Variants in ASAH1 observed in about 807,000 individuals in gnomAD.
The protein encoded by ASAH1 is N-acylsphingosine amidohydrolase 1, also known as acid ceramidase.
ASAH1 carries 70 observed loss-of-function variants against 59.5 expected under a neutral mutation model. The ratio of observed to expected loss-of-function variants is 1.18; its 90% CI spans 0.97 to 1.43. The LOEUF (loss-of-function observed/expected upper bound fraction) is 1.43, where lower values mean the gene tolerates loss of function less well. Ranked by LOEUF, ASAH1 falls within the 40% of genes most tolerant of loss-of-function variation. The pLI, the probability that ASAH1 is intolerant of heterozygous loss-of-function variation, is 0.00. For synonymous variants in ASAH1, 213 were observed against 166.5 expected (o/e 1.28, Z -2.15); for missense variants, 660 against 482.5 (o/e 1.37, Z -3.45).
At chr8:18,082,170 G>A (rs1053180020) in intron 1 of ASAH1, among the ~76,000 whole-genome samples, 1 of 152,156 alleles carries the variant, frequency 6.6e-6, no homozygotes, top group Non-Finnish European at 1.5e-5. Context: ...GACACCAGTG[G>A]CCAGACTAGA....
chr8:18,083,218 G>A (rs1800734070), intron 1 of ASAH1: 1 of 152,266 alleles, frequency 6.6e-6, no homozygotes, highest in Non-Finnish European at 1.5e-5. Context: ...CAGTCTGATT[G>A]CTTTATAAAG....
intron 7 of ASAH1, chr8:18,062,626 A>G (rs754996239): frequency 2.0e-4 from 118 of 595,848 alleles, no homozygotes; most frequent in Non-Finnish European, 2.9e-4. Context: ...AACTCTCTCA[A>G]TATCACACAG....
intron 10 of ASAH1, chr8:18,061,103 T>C (rs748983420): frequency 2.7e-5 from 9 of 337,144 alleles, no homozygotes; most frequent in Non-Finnish European, 5.0e-5. Context: ...CTTTTGTGTG[T>C]GGGTCATTTT....
At chr8:18,084,495 A>G, upstream of ASAH1, 8 of 1,327,778 alleles carry the variant, frequency 6.0e-6, no homozygotes, top group African/African-American at 1.5e-5. Context: ...AACGGATCCA[A>G]AGAGTCTCAA....
chr8:18,058,514 T>A (rs1799560513), intron 13 of ASAH1: 1 of 265,244 alleles, frequency 3.8e-6, no homozygotes, highest in African/African-American at 2.2e-5. Context: ...CTGCAGACTT[T>A]GTTTTGTTGA....
chr8:18,084,029 G>T lies in ASAH1; in HGVS notation c.30C>A (p.Val10=), dbSNP rs1192184000. The T allele has an allele frequency of 1.9e-6, 3 of 1,598,612 alleles. No individual in the cohort carries two copies. Among genetic ancestry groups the T allele is most frequent in the South Asian group, 1.1e-5 (1 of 91,080 alleles). The change falls in exon 1 of 14, where the codon GTC becomes GTA. Residue 10 remains valine (V), a synonymous_variant. Coordinates refer to ENST00000637790, the MANE Select transcript of ASAH1 (RefSeq NM_177924.5). The part of the protein sequence containing the change: MPGRSCVAL[V]LLAAAVSCAV... Reference sequence around the variant, plus strand: ...CACAGCTGACGGCGGCAGCCAGGAGGACTAAGGCGACGCAACTCCGGCCCG... The same window carrying T: ...CACAGCTGACGGCGGCAGCCAGGAGTACTAAGGCGACGCAACTCCGGCCCG...
At chr8:18,063,402 C>G (rs1228317039) in intron 6 of ASAH1, 172 bp from the exon 7 acceptor site, 1 of 641,780 alleles carries the variant, frequency 1.6e-6, no homozygotes, top group East Asian at 2.9e-5. Flanking sequence ...CTCCCAGGTT[C>G]AAGCAATTCT....
At chr8:18,069,591 T>C in intron 4 of ASAH1, 1 of 522,898 alleles carries the variant, frequency 1.9e-6, no homozygotes, top group African/African-American at 1.9e-5. Context: ...CATCCCCTTT[T>C]ACGAAACCAT....
chr8:18,084,832 A>G, upstream of ASAH1: 1 of 1,610,866 alleles, frequency 6.2e-7, no homozygotes. Context: ...TAACTGGCGA[A>G]GGACTCAGGT....
At chr8:18,074,933 C>T (rs893771653) in intron 2 of ASAH1, among the ~76,000 whole-genome samples, 2 of 151,974 alleles carry the variant, frequency 1.3e-5, no homozygotes, top group African/African-American at 4.8e-5. Context: ...ACAGCCCTTA[C>T]ATTTGTCAAA....
At chr8:18,074,396 A>G (rs1415956892) in intron 2 of ASAH1, among the ~76,000 whole-genome samples, 1 of 121,350 alleles carries the variant, frequency 8.2e-6, no homozygotes, top group Non-Finnish European at 1.7e-5. Context: ...AAAAGAACTT[A>G]GTTTATTACA....
chr8:18,059,179 TTTAAG>T (rs1468557455), intron 12 of ASAH1, 157 bp downstream of exon 12: 28 of 1,161,576 alleles, frequency 2.4e-5, no homozygotes, highest in South Asian at 4.3e-5. Flanking sequence ...AATTTTGCTC[TTTAAG>T]TTAAGAAAAC....
At position 18,056,664 on chromosome 8, in the gene ASAH1, C is replaced by T. The variant is rs1167370294; in HGVS notation, c.*870G>A. ...AGTAACTACTAAAATTTCTTTAAAA[C>T]TCCCTATCAATCTGAAGAACAAACT... On this transcript the variant is annotated 3_prime_UTR_variant, in exon 14 of 14. Transcript: ENST00000637790. 1 of 152,158 alleles carries T rather than the reference C, an allele frequency of 6.6e-6. No homozygotes were observed. The highest frequency in any genetic ancestry group is 6.5e-5 in the Admixed American group (1 of 15,284). The allele number at this position is 152,158 out of a possible 1,614,324, so 9.4% of individuals were successfully genotyped here.
chr8:18,061,830 G>T, intron 8 of ASAH1, 90 bp from the exon 9 acceptor site: 2 of 1,215,978 alleles, frequency 1.6e-6, no homozygotes, highest in Non-Finnish European at 2.4e-6. Context: ...GGGATATAAA[G>T]GCCTAGCTTG....
chr8:18,069,855 CAG>C lies in ASAH1; in HGVS notation c.238_239del (p.Leu80GlufsTer19). The C allele has an allele frequency of 6.3e-7, 1 of 1,590,238 alleles. No homozygotes were observed. On this transcript the variant is annotated frameshift_variant, in exon 4 of 14. Transcript: ENST00000637790. LOFTEE classifies it high-confidence loss of function. ...APVLKVIVNS[L>X]KNMINTFVPS... ...GCACGAATGTATTTATCATATTCTTCAGAGAATTCACTATAACCTTTAGCTGA... is the reference window on the plus strand; with the variant it reads ...GCACGAATGTATTTATCATATTCTTCAGAATTCACTATAACCTTTAGCTGA...
chr8:18,069,763 C>T, intron 4 of ASAH1, 29 bp downstream of exon 4: 3 of 1,470,716 alleles, frequency 2.0e-6, no homozygotes, highest in Non-Finnish European at 9.5e-7. Context: ...ATGTGCTTAA[C>T]ATTTATTGTG....
chr8:18,073,207 A>G (rs758897950), intron 2 of ASAH1: 1 of 1,495,666 alleles, frequency 6.7e-7, no homozygotes, highest in Non-Finnish European at 9.2e-7. Context: ...ACATTTCAGT[A>G]TTTAACTTGT....
chr8:18,079,306 A>G (rs1800551369), intron 1 of ASAH1, among the ~76,000 whole-genome samples: 1 of 151,776 alleles, frequency 6.6e-6, no homozygotes. Flanking sequence ...CTCTCTGGAA[A>G]GTGCTTTTAA....
At chr8:18,063,331 T>C (rs1262720153) in intron 6 of ASAH1, 101 bp from the exon 7 acceptor site, 1 of 1,177,448 alleles carries the variant, frequency 8.5e-7, no homozygotes, top group Non-Finnish European at 1.3e-6. Context: ...TGAGACAGAG[T>C]CTCGTTCTGT....
Sources: gnomAD v4.1 joint callset for allele counts (sites outside exome capture counted in the v4.1 genomes callset) on GRCh38, gnomAD v4.1.1 for gene constraint, MANE v1.5 for transcripts, NCBI Gene and HGNC (gene_info 2026-07-23, HGNC 2026-07-21) for gene names.